LPAR1: variants seen among roughly 807,000 people sequenced by gnomAD.
LPAR1 encodes LPA receptor 1.
Under a neutral mutation model 23.8 loss-of-function variants are expected in LPAR1, and 5 were observed. The observed-to-expected ratio is 0.21, with a 90% CI of 0.11 to 0.44. The LOEUF (loss-of-function observed/expected upper bound fraction) is 0.44. LPAR1 is among the 20% of genes least tolerant of loss of function. LPAR1 has a pLI of 0.99. For synonymous variants in LPAR1, 160 were observed against 164.7 expected (o/e 0.97, Z 0.22); for missense variants, 311 against 482.8 (o/e 0.64, Z 3.33).
rs116183741 is a variant in LPAR1, at chr9:110,960,780, C to T, written c.45+11293G>A. Among the ~76,000 whole-genome samples the T allele has an allele frequency of 3.7e-3, 567 of 152,256 alleles. 2 individuals carry two copies. Among genetic ancestry groups the T allele is most frequent in the African/African-American group, 0.013 (543 of 41,552 alleles). On this transcript the variant is annotated intron_variant, in intron 4 of 5. Coordinates refer to ENST00000683809, the MANE Select transcript of LPAR1 (RefSeq NM_001351411.2). ...TTTTATATGTTGAACACTGAGAACTCTATTTCTGTGACATCTATTCTCCTG... is the reference window on the plus strand; with the variant it reads ...TTTTATATGTTGAACACTGAGAACTTTATTTCTGTGACATCTATTCTCCTG...
intron 5 of LPAR1, 30 bp from the exon 6 acceptor site, chr9:110,875,752 A>AT (rs781239230): frequency 2.5e-5 from 32 of 1,286,622 alleles, no homozygotes; most frequent in Middle Eastern, 2.0e-4. Flanking sequence ...GATCAGAAGG[A>AT]TTTTTAAAAA....
chr9:110,977,907 GGAAA>G (rs1156833642), intron 2 of LPAR1, among the ~76,000 whole-genome samples: 6 of 135,914 alleles, frequency 4.4e-5, no homozygotes, highest in Admixed American at 7.6e-5. Context: ...AAGGAAGGAA[GGAAA>G]GAAGGAAAGA....
rs149754336 is a variant in LPAR1, at chr9:111,000,929, C to T, written c.-181-27371G>A. The stretch of plus-strand genomic sequence containing the variant: ...TAAATCTAACTAAATGCCTCTAAAA[C>T]AATGAAAACCTTAAGACAGCTGGTA... On this transcript the variant is annotated intron_variant, in intron 2 of 5. Transcript: ENST00000683809. Among the ~76,000 whole-genome samples the T allele has an allele frequency of 1.4e-4, 21 of 152,266 alleles. 1 individual carries two copies. In the East Asian group the frequency reaches 3.9e-3, roughly 28 times the overall value.
At chr9:110,946,442 A>G (rs2095382204) in intron 4 of LPAR1, among the ~76,000 whole-genome samples, 1 of 152,228 alleles carries the variant, frequency 6.6e-6, no homozygotes, top group Non-Finnish European at 1.5e-5. Flanking sequence ...GTAAGAGTTT[A>G]GAGAAAAAAA....
chr9:110,971,266 C>T (rs1473674939), intron 4 of LPAR1, among the ~76,000 whole-genome samples: 1 of 152,136 alleles, frequency 6.6e-6, no homozygotes, highest in Non-Finnish European at 1.5e-5. Flanking sequence ...CTCTGTATGC[C>T]TCATGTATAT....
chr9:110,901,850 T>C (rs1463325256), intron 5 of LPAR1, among the ~76,000 whole-genome samples: 2 of 152,162 alleles, frequency 1.3e-5, no homozygotes, highest in African/African-American at 4.8e-5. Context: ...ACAAAGCCAC[T>C]AACTAAATTC....
chr9:110,994,861 A>G (rs1407298968), intron 2 of LPAR1, among the ~76,000 whole-genome samples: 1 of 152,194 alleles, frequency 6.6e-6, no homozygotes, highest in Non-Finnish European at 1.5e-5. Flanking sequence ...TCTCAAACAA[A>G]TCACAAACTC....
intron 2 of LPAR1, among the ~76,000 whole-genome samples, chr9:110,994,200 T>A (rs900902078): frequency 6.6e-6 from 1 of 151,974 alleles, no homozygotes; most frequent in African/African-American, 2.4e-5. Flanking sequence ...CTGAATTTAA[T>A]CAACAGGAAA....
At chr9:110,943,032 CTTTAAAAAGGATTGAGACAG>C (rs1026916886) in intron 4 of LPAR1, among the ~76,000 whole-genome samples, 2 of 148,538 alleles carry the variant, frequency 1.3e-5, no homozygotes, top group African/African-American at 4.9e-5. Flanking sequence ...ATAATAATCA[CTTTAAAAAGGATTGAGACAG>C]TTTAAAACAG....
chr9:110,958,822 G>C (rs910970457), intron 4 of LPAR1, among the ~76,000 whole-genome samples: 1 of 147,816 alleles, frequency 6.8e-6, no homozygotes, highest in African/African-American at 2.5e-5. Flanking sequence ...ATAATATCCA[G>C]AGTATACAAG....
At chr9:110,987,537 C>G (rs2096809029) in intron 2 of LPAR1, among the ~76,000 whole-genome samples, 1 of 151,680 alleles carries the variant, frequency 6.6e-6, no homozygotes, top group South Asian at 2.1e-4. Flanking sequence ...GTCACCCATT[C>G]AGCTGGCTCT....
intron 2 of LPAR1, among the ~76,000 whole-genome samples, chr9:111,021,280 T>G (rs1470418444): frequency 1.3e-5 from 2 of 152,146 alleles, no homozygotes; most frequent in African/African-American, 4.8e-5. Context: ...TAAGTAGAAC[T>G]TAAATACAGT....
chr9:110,915,665 G>A (rs916606691), intron 5 of LPAR1, among the ~76,000 whole-genome samples: 17 of 152,282 alleles, frequency 1.1e-4, no homozygotes, highest in African/African-American at 3.1e-4. Context: ...GTCCACATGT[G>A]TATGTACACA....
chr9:110,916,488 G>T (rs1462561060), intron 5 of LPAR1, among the ~76,000 whole-genome samples: 1 of 152,168 alleles, frequency 6.6e-6, no homozygotes, highest in Non-Finnish European at 1.5e-5. Context: ...ATTGACATAG[G>T]ATACGATTTA....
intron 2 of LPAR1, among the ~76,000 whole-genome samples, chr9:111,028,225 G>T (rs777222562): frequency 9.9e-5 from 15 of 151,890 alleles, no homozygotes; most frequent in Non-Finnish European, 2.1e-4. Context: ...TAGCCTCCTG[G>T]GTTCAAGAGA....
chr9:111,033,378 C>G (rs1382839868), intron 2 of LPAR1, among the ~76,000 whole-genome samples: 1 of 152,170 alleles, frequency 6.6e-6, no homozygotes, highest in African/African-American at 2.4e-5. Context: ...AAAAATGTAT[C>G]CTAAAATAAA....
At chr9:110,923,043 T>C (rs1478851935) in intron 5 of LPAR1, among the ~76,000 whole-genome samples, 1 of 151,844 alleles carries the variant, frequency 6.6e-6, no homozygotes, top group Non-Finnish European at 1.5e-5. Context: ...TCTGTGTCCA[T>C]GCTTTGACAT....
intron 5 of LPAR1, among the ~76,000 whole-genome samples, chr9:110,909,626 A>G (rs1445490053): frequency 6.6e-6 from 1 of 152,190 alleles, no homozygotes; most frequent in African/African-American, 2.4e-5. Flanking sequence ...TGTCTGTGTC[A>G]CATCTTGGTA....
At chr9:110,954,893 A>G (rs1209260069) in intron 4 of LPAR1, among the ~76,000 whole-genome samples, 2 of 152,232 alleles carry the variant, frequency 1.3e-5, no homozygotes, top group Non-Finnish European at 2.9e-5. Context: ...AATTTCTACC[A>G]TCATGAAAAC....
Sources: gnomAD v4.1 joint callset for allele counts (sites outside exome capture counted in the v4.1 genomes callset) on GRCh38, gnomAD v4.1.1 for gene constraint, MANE v1.5 for transcripts, NCBI Gene and HGNC (gene_info 2026-07-23, HGNC 2026-07-21) for gene names.